Variants in CYB5R1 observed in about 807,000 individuals in gnomAD.
CYB5R1 encodes NADH-cytochrome b5 reductase 1.
In CYB5R1, 32 loss-of-function variants were observed where a neutral mutation model predicts 37.4. That is an observed-to-expected ratio of 0.86 (90% CI 0.65 to 1.15). The LOEUF (loss-of-function observed/expected upper bound fraction) is 1.15. CYB5R1 is among the 50% of genes most tolerant of loss of function. The pLI, the probability that CYB5R1 is intolerant of heterozygous loss-of-function variation, is 0.00. For synonymous variants in CYB5R1, 159 were observed against 155.2 expected (o/e 1.02, Z -0.18); for missense variants, 345 against 382.5 (o/e 0.90, Z 0.82).
intron 5 of CYB5R1, chr1:202,964,933 G>A (rs1454780460): frequency 1.9e-6 from 1 of 539,750 alleles, no homozygotes; most frequent in Non-Finnish European, 3.3e-6. Context: ...AGCTGCTTCT[G>A]GCAAAGTGTC....
intron 7 of CYB5R1, 146 bp from the exon 8 acceptor site, chr1:202,963,311 AG>A: frequency 1.6e-6 from 1 of 626,532 alleles, no homozygotes; most frequent in Non-Finnish European, 2.8e-6. Context: ...CAGTGCTTTT[AG>A]GGAGTTAGGA....
At chr1:202,965,639 T>C in intron 4 of CYB5R1, 139 bp from the exon 5 acceptor site, 6 of 1,055,022 alleles carry the variant, frequency 5.7e-6, no homozygotes, top group East Asian at 2.6e-5. Flanking sequence ...CTTTCTTTCT[T>C]TTTTTTTTTT....
In CYB5R1 at chr1:202,966,775, A is replaced by G; in HGVS notation, c.139T>C (p.Tyr47His). 1 of 1,614,096 alleles carries G rather than the reference A, an allele frequency of 6.2e-7. No individual in the cohort carries two copies. Among genetic ancestry groups the G allele is most frequent in the Non-Finnish European group, 8.5e-7 (1 of 1,179,972 alleles). The change falls in exon 2 of 9, where the codon TAC becomes CAC. Residue 47 changes from tyrosine to histidine, a missense_variant. Coordinates refer to ENST00000367249, the MANE Select transcript of CYB5R1 (RefSeq NM_016243.3). ...QVTLLDPNEK[Y>H]LLRLLDKTTV... ...GTCTTGTCTAGCAGTCGTAGCAGGTACTTTTCATTGGGGTCCAGGAGAGTG... is the reference window on the plus strand; with the variant it reads ...GTCTTGTCTAGCAGTCGTAGCAGGTGCTTTTCATTGGGGTCCAGGAGAGTG...
rs1655008994 is a variant in CYB5R1, at chr1:202,962,516, C to G, written c.*11G>C. 6.9e-6 allele frequency: 11 copies of G among 1,595,834 alleles called. No individual in the cohort carries two copies. Among genetic ancestry groups the G allele is most frequent in the Non-Finnish European group, 9.4e-6 (11 of 1,169,424 alleles). Reference sequence around the variant, plus strand: ...ACTGCAGCGAACAGCACCAGGGAAGCTGGAGGATGCTCAGTAGGTGAATCG... The same window carrying G: ...ACTGCAGCGAACAGCACCAGGGAAGGTGGAGGATGCTCAGTAGGTGAATCG... On this transcript the variant is annotated 3_prime_UTR_variant, in exon 9 of 9. Transcript: ENST00000367249.
chr1:202,966,521 T>A lies in CYB5R1; in HGVS notation c.238+7A>T, dbSNP rs566887004. On this transcript the variant is annotated splice_region_variant and intron_variant, in intron 3 of 8. Coordinates refer to ENST00000367249, the MANE Select transcript of CYB5R1 (RefSeq NM_016243.3). ...AGGGAAAGGAGCCCATTCCACACTT[T>A]CCTTACCCACAGGCAGCCCCAGAGT... The A allele has an allele frequency of 4.3e-6, 7 of 1,613,968 alleles. No individual in the cohort carries two copies. Among genetic ancestry groups the A allele is most frequent in the Admixed American group, 3.3e-5 (2 of 60,000 alleles).
At position 202,967,191 on chromosome 1, in the gene CYB5R1, C is replaced by A; in HGVS notation, c.15G>T (p.Thr5=). 6.2e-7 allele frequency: 1 copy of A among 1,611,094 alleles called. No individual in the cohort carries two copies. The highest frequency in any genetic ancestry group is 1.1e-5 in the South Asian group (1 of 90,866). ...GGAGGATACTGAATGAGGGTCTTAC[C>A]GTCTGGATCCCCATGACGGAGCGCC... MGIQ[T]SPVLLASLGV... is the part of the protein sequence containing the mutation. The change falls in exon 1 of 9, where the codon ACG becomes ACT. Residue 5 remains threonine (T), a splice_region_variant and synonymous_variant. Transcript: ENST00000367249.
In CYB5R1 at chr1:202,964,624, C is replaced by T; in HGVS notation, c.547G>A (p.Ala183Thr). 1 of 1,613,062 alleles carries T rather than the reference C, an allele frequency of 6.2e-7. No homozygotes were observed. Among genetic ancestry groups the T allele is most frequent in the East Asian group, 2.2e-5 (1 of 44,884 alleles). ...CAGTGTAATGCACCTGTCCCGCCGG[C>T]AATCATTCCCAGTTTCTTCGCCACT... is the stretch of plus-strand genomic sequence containing the variant. ...PRVAKKLGMI[A>T]GGTGITPMLQ... is the part of the protein sequence containing the mutation. The change falls in exon 6 of 9, where the codon GCC becomes ACC. Residue 183 changes from alanine to threonine, a missense_variant. By Grantham distance (58) the Ala-to-Thr change is moderately conservative. Coordinates refer to ENST00000367249, the MANE Select transcript of CYB5R1 (RefSeq NM_016243.3).
At chr1:202,964,493 T>C (rs1159309198) in intron 6 of CYB5R1, 119 bp downstream of exon 6, 2 of 870,306 alleles carry the variant, frequency 2.3e-6, no homozygotes, top group Non-Finnish European at 3.9e-6. Context: ...TAAGCATTGC[T>C]GGAAATCCCC....
chr1:202,964,912 C>T (rs1225079538), intron 5 of CYB5R1: 3 of 565,506 alleles, frequency 5.3e-6, no homozygotes, highest in Non-Finnish European at 6.4e-6. Context: ...TTCAGCGCCA[C>T]ACAATGTATC....
rs753540107 is a variant in CYB5R1 at position 202,965,448 on chromosome 1, T to G, written c.398A>C (p.Gln133Pro). 3.7e-6 allele frequency: 6 copies of G among 1,605,212 alleles called. No homozygotes were observed. Among genetic ancestry groups the G allele is most frequent in the Non-Finnish European group, 5.1e-6 (6 of 1,175,780 alleles). ...CCCAACCTTCAGGCTATCCAGGTAC[T>G]GAGACATCTTCCCTCCCTCAGGAAA... Reference protein sequence around the residue: ...PKFPEGGKMSQYLDSLKVGDV... With the variant: ...PKFPEGGKMSPYLDSLKVGDV... The change falls in exon 5 of 9, where the codon CAG becomes CCG. Residue 133 changes from glutamine (Q) to proline (P), a missense_variant. Gln to Pro is a moderately conservative substitution (Grantham distance 76). Transcript: ENST00000367249.
Position 202,964,650 on chromosome 1 carries a change from C to A in CYB5R1, c.521G>T (p.Arg174Leu), listed in dbSNP as rs759006994. 3 of 1,613,740 alleles carry A rather than the reference C, an allele frequency of 1.9e-6. No individual in the cohort carries two copies. Among genetic ancestry groups the A allele is most frequent in the Admixed American group, 1.7e-5 (1 of 60,000 alleles). Residue 174 changes from arginine to leucine, a missense_variant, in exon 6 of 9, where the codon CGA becomes CTA. Coordinates refer to ENST00000367249, the MANE Select transcript of CYB5R1 (RefSeq NM_016243.3). ...AATCATTCCCAGTTTCTTCGCCACT[C>A]GGGGTTCTGGTGGAGATTTCTTGTT... ...QPNKKSPPEP[R>L]VAKKLGMIAG...
At chr1:202,965,630 TTTCTTTC>T in intron 4 of CYB5R1, 130 bp from the exon 5 acceptor site, 1 of 983,282 alleles carries the variant, frequency 1.0e-6, no homozygotes, top group Non-Finnish European at 1.4e-6. Context: ...ACATACTTTC[TTTCTTTC>T]TTTTTTTTTT....
At chr1:202,965,637 C>CTT in intron 4 of CYB5R1, 137 bp from the exon 5 acceptor site, 19 of 502,476 alleles carry the variant, frequency 3.8e-5, no homozygotes, top group Non-Finnish European at 4.5e-5. Flanking sequence ...TTCTTTCTTT[C>CTT]TTTTTTTTTT....
In CYB5R1 at chr1:202,962,635, C is replaced by T; in HGVS notation, c.810G>A (p.Gly270=). 2 of 1,614,130 alleles carry T rather than the reference C, an allele frequency of 1.2e-6. No individual in the cohort carries two copies. Among genetic ancestry groups the T allele is most frequent in the Non-Finnish European group, 1.7e-6 (2 of 1,180,020 alleles). ...CACAAAGCAGTACCAGCACATCATC[C>T]CCTGGAGCGGGCAGGTGTTCCCGGA... is the stretch of plus-strand genomic sequence containing the variant. ...DMIREHLPAP[G]DDVLVLLCGP... is the part of the protein sequence containing the mutation. The change falls in exon 9 of 9, where the codon GGG becomes GGA. Residue 270 remains glycine (G), a synonymous_variant. Transcript: ENST00000367249.
intron 6 of CYB5R1, 45 bp from the exon 7 acceptor site, chr1:202,963,772 T>C: frequency 7.1e-7 from 1 of 1,400,408 alleles, no homozygotes; most frequent in Non-Finnish European, 9.8e-7. Context: ...CCACACTCTC[T>C]GCCCTGTCCT....
chr1:202,962,478 C>T lies in CYB5R1; in HGVS notation c.*49G>A. ...ATCTAAGGCTTATAGTGCTTGAGTACTGATGGGGAACAACTGCAGCGAACA... is the reference window on the plus strand; with the variant it reads ...ATCTAAGGCTTATAGTGCTTGAGTATTGATGGGGAACAACTGCAGCGAACA... On this transcript the variant is annotated 3_prime_UTR_variant, in exon 9 of 9. Transcript: ENST00000367249. 2.6e-6 allele frequency: 4 copies of T among 1,551,694 alleles called. No homozygotes were observed. Among genetic ancestry groups the T allele is most frequent in the Non-Finnish European group, 3.5e-6 (4 of 1,149,550 alleles).
At chr1:202,962,844 T>G in intron 8 of CYB5R1, 145 bp from the exon 9 acceptor site, 2 of 1,101,628 alleles carry the variant, frequency 1.8e-6, no homozygotes, top group Non-Finnish European at 2.7e-6. Context: ...ATACTCAGCC[T>G]GCCTCAAGCT....
chr1:202,965,418 A>T lies in CYB5R1; in HGVS notation c.428T>A (p.Val143Glu). 6.2e-7 allele frequency: 1 copy of T among 1,607,454 alleles called. No individual in the cohort carries two copies. The highest frequency in any genetic ancestry group is 8.5e-7 in the Non-Finnish European group (1 of 1,176,780). ...QYLDSLKVGD[V>E]VEFRGPSGLL... is the part of the protein sequence containing the mutation. ...CCCGCTTGGCCCCCGAAACTCCACC[A>T]CATCCCCAACCTTCAGGCTATCCAG... The change falls in exon 5 of 9, where the codon GTG becomes GAG. Residue 143 changes from valine to glutamate, a missense_variant. Coordinates refer to ENST00000367249, the MANE Select transcript of CYB5R1 (RefSeq NM_016243.3).
rs373610237 is a variant in CYB5R1, at chr1:202,964,603, G to A, written c.559+9C>T. 2.5e-6 allele frequency: 4 copies of A among 1,605,180 alleles called. No individual in the cohort carries two copies. Among genetic ancestry groups the A allele is most frequent in the African/African-American group, 2.7e-5 (2 of 74,692 alleles). On this transcript the variant is annotated intron_variant, in intron 6 of 8. Transcript: ENST00000367249. ...ATGGTGGGAGAGAAAGGCCCTCAGT[G>A]TAATGCACCTGTCCCGCCGGCAATC... is the stretch of plus-strand genomic sequence containing the variant.
Sources: gnomAD v4.1 joint callset for allele counts on GRCh38, gnomAD v4.1.1 for gene constraint, MANE v1.5 for transcripts, NCBI Gene and HGNC (gene_info 2026-07-23, HGNC 2026-07-21) for gene names.